Variants in GHR observed in about 807,000 individuals in gnomAD.
The protein encoded by GHR is GH receptor.
In GHR, 35 loss-of-function variants were observed where a neutral mutation model predicts 67.1. That is an observed-to-expected ratio of 0.52 (90% confidence interval 0.40 to 0.69). GHR has a LOEUF of 0.69. Ranked by LOEUF, GHR falls within the 30% of genes least tolerant of loss-of-function variation. The pLI is 0.00. For missense variants in GHR, 792 were observed against 764.6 expected (o/e 1.04, Z -0.42); for synonymous variants, 272 against 269.1 (o/e 1.01, Z -0.10).
intron 1 of GHR, among the ~76,000 whole-genome samples, chr5:42,493,304 C>T (rs183166626): frequency 3.0e-4 from 46 of 152,208 alleles, no homozygotes; most frequent in Admixed American, 1.8e-3. Context: ...ATCATATTAT[C>T]AAAAATAACT....
intron 2 of GHR, among the ~76,000 whole-genome samples, chr5:42,609,479 A>G (rs899525001): frequency 1.3e-5 from 2 of 152,174 alleles, no homozygotes; most frequent in African/African-American, 4.8e-5. Context: ...TTCTACTCAA[A>G]TTCAGTTTCC....
intron 1 of GHR, among the ~76,000 whole-genome samples, chr5:42,536,030 C>T (rs1748242639): frequency 6.6e-6 from 1 of 152,112 alleles, no homozygotes. Context: ...GGACATGTTG[C>T]TGAATTCTTT....
intron 2 of GHR, among the ~76,000 whole-genome samples, chr5:42,590,433 T>G (rs1469115113): frequency 6.6e-6 from 1 of 152,236 alleles, no homozygotes; most frequent in African/African-American, 2.4e-5. Context: ...TTTTATTTTC[T>G]TCCTTCCATT....
At chr5:42,554,596 T>C (rs1040880757) in intron 1 of GHR, among the ~76,000 whole-genome samples, 1 of 152,166 alleles carries the variant, frequency 6.6e-6, no homozygotes, top group Non-Finnish European at 1.5e-5. Flanking sequence ...GCTGGCCGCT[T>C]GGACTTCTAC....
At chr5:42,459,334 A>T (rs770769807) in intron 1 of GHR, among the ~76,000 whole-genome samples, 1 of 152,246 alleles carries the variant, frequency 6.6e-6, no homozygotes, top group Non-Finnish European at 1.5e-5. Context: ...ATGCAGCCAT[A>T]AAAAGAAATG....
chr5:42,436,409 G>A (rs1296164198), intron 1 of GHR, among the ~76,000 whole-genome samples: 2 of 152,136 alleles, frequency 1.3e-5, no homozygotes, highest in Admixed American at 6.5e-5. Flanking sequence ...AGCAGACCTG[G>A]ATGCATGGTA....
chr5:42,529,427 T>C (rs1747858921), intron 1 of GHR, among the ~76,000 whole-genome samples: 1 of 152,228 alleles, frequency 6.6e-6, no homozygotes, highest in Admixed American at 6.5e-5. Context: ...GGTATGTCTG[T>C]ATTCAAGTTT....
At chr5:42,707,438 G>A (rs529972489) in intron 6 of GHR, among the ~76,000 whole-genome samples, 70 of 151,876 alleles carry the variant, frequency 4.6e-4, no homozygotes, top group South Asian at 8.3e-4. Context: ...TTGCCAATTG[G>A]GCTGTTTTTT....
Position 42,576,114 on chromosome 5 carries a change from A to AAAAT in GHR, c.70+10174_70+10177dup, listed in dbSNP as rs1554021431. Among the ~76,000 whole-genome samples the AAAAT allele has an allele frequency of 4.7e-3, 463 of 97,716 alleles. 5 individuals carry two copies. Among genetic ancestry groups the AAAAT allele is most frequent in the South Asian group, 0.027 (79 of 2,914 alleles). 64.1% of individuals were successfully genotyped at this position (97,716 alleles called of 152,430 possible). On this transcript the variant is annotated intron_variant, in intron 2 of 9. Coordinates refer to ENST00000230882, the MANE Select transcript of GHR (RefSeq NM_000163.5). The stretch of plus-strand genomic sequence containing the variant: ...TAAAATAAAATAAATAAAATAAAAT[A>AAAAT]AAATAAAATAAAATAAAATAAAATA...
At chr5:42,502,239 A>G (rs551573060) in intron 1 of GHR, among the ~76,000 whole-genome samples, 7 of 152,336 alleles carry the variant, frequency 4.6e-5, no homozygotes, top group African/African-American at 1.2e-4. Flanking sequence ...CTTCAATGAT[A>G]TAGGCACAGA....
At chr5:42,503,734 T>A (rs1253424179) in intron 1 of GHR, among the ~76,000 whole-genome samples, 1 of 152,140 alleles carries the variant, frequency 6.6e-6, no homozygotes, top group Non-Finnish European at 1.5e-5. Context: ...TGGGGCAGGA[T>A]CAGACCAAGG....
chr5:42,529,171 C>T (rs1005031821), intron 1 of GHR, among the ~76,000 whole-genome samples: 2 of 152,028 alleles, frequency 1.3e-5, no homozygotes, highest in East Asian at 3.9e-4. Flanking sequence ...ACCACAATGC[C>T]CAGCTAATTT....
At chr5:42,525,764 C>T (rs1346305251) in intron 1 of GHR, among the ~76,000 whole-genome samples, 3 of 152,132 alleles carry the variant, frequency 2.0e-5, no homozygotes, top group Non-Finnish European at 4.4e-5. Flanking sequence ...CTTTCCTGTG[C>T]TGTTCTCATG....
chr5:42,582,626 T>A (rs1751237927), intron 2 of GHR, among the ~76,000 whole-genome samples: 3 of 152,218 alleles, frequency 2.0e-5, no homozygotes, highest in Admixed American at 6.5e-5. Context: ...CGAACAGGGC[T>A]GAGACATGCC....
At chr5:42,686,008 T>G (rs574163245) in intron 3 of GHR, among the ~76,000 whole-genome samples, 1 of 152,352 alleles carries the variant, frequency 6.6e-6, no homozygotes, top group African/African-American at 2.4e-5. Context: ...AGTCATGAAG[T>G]CTTTGCTCAT....
At chr5:42,517,059 G>T (rs1428720069) in intron 1 of GHR, among the ~76,000 whole-genome samples, 6 of 152,110 alleles carry the variant, frequency 3.9e-5, no homozygotes, top group South Asian at 4.1e-4. Context: ...ACTTAGTTTG[G>T]CATGTAACAG....
intron 4 of GHR, among the ~76,000 whole-genome samples, chr5:42,689,854 A>G (rs573561836): frequency 6.6e-6 from 1 of 152,318 alleles, no homozygotes; most frequent in African/African-American, 2.4e-5. Flanking sequence ...ACCAGATAAT[A>G]CACTCCTTCT....
At chr5:42,594,207 AC>A (rs779132362) in intron 2 of GHR, among the ~76,000 whole-genome samples, 1 of 152,126 alleles carries the variant, frequency 6.6e-6, no homozygotes, top group Non-Finnish European at 1.5e-5. Context: ...TTCAAATGTG[AC>A]CCCTTTTAGT....
At chr5:42,634,521 G>GCACACACACACACACACACACACACA (rs10684580) in intron 3 of GHR, among the ~76,000 whole-genome samples, 1 of 148,820 alleles carries the variant, frequency 6.7e-6, no homozygotes, top group African/African-American at 2.5e-5. Context: ...ATTGAATTTT[G>GCACACACACACACACACACACACACA]CACACACACA....
Sources: gnomAD v4.1 joint callset for allele counts (sites outside exome capture counted in the v4.1 genomes callset) on GRCh38, gnomAD v4.1.1 for gene constraint, MANE v1.5 for transcripts, NCBI Gene and HGNC (gene_info 2026-07-23, HGNC 2026-07-21) for gene names.